The following AUTS2 variants were observed in gnomAD, a reference collection of about 807,000 sequenced individuals.
The protein encoded by AUTS2 is autism susceptibility gene 2 protein.
Under a neutral mutation model 112.4 loss-of-function variants are expected in AUTS2, and 17 were observed. That is an observed-to-expected ratio of 0.15 (90% CI 0.10 to 0.23). The LOEUF is 0.23. AUTS2 is among the 10% of genes least tolerant of loss of function. The pLI, the probability that AUTS2 is intolerant of heterozygous loss-of-function variation, is 1.00. For synonymous variants in AUTS2, 751 were observed against 702.7 expected, an observed-to-expected ratio of 1.07 and a Z score of -1.09; for missense variants, 1,510 against 1,701.6, an observed-to-expected ratio of 0.89 and a Z score of 1.98.
At chr7:70,596,183 G>C (rs576638303) in intron 5 of AUTS2, 182 of 152,986 alleles carry the variant, frequency 1.2e-3, no homozygotes, top group African/African-American at 4.2e-3. Flanking sequence ...GGGCGGGGCT[G>C]GGGCGGGCGG....
intron 4 of AUTS2, among the ~76,000 whole-genome samples, chr7:70,282,461 T>C (rs1027207578): frequency 6.6e-6 from 1 of 152,048 alleles, no homozygotes; most frequent in Non-Finnish European, 1.5e-5. Context: ...TGAGGCCTAG[T>C]TTCTGGTTGT....
chr7:70,142,028 A>G (rs961316664), intron 4 of AUTS2, among the ~76,000 whole-genome samples: 17 of 152,248 alleles, frequency 1.1e-4, no homozygotes, highest in African/African-American at 4.1e-4. Context: ...TGGTGTTTCC[A>G]GTTGCAACCA....
At chr7:69,713,542 T>G (rs557648148) in intron 1 of AUTS2, among the ~76,000 whole-genome samples, 11 of 149,462 alleles carry the variant, frequency 7.4e-5, no homozygotes, top group African/African-American at 2.7e-4. Context: ...TTCACTGAAA[T>G]CTCTGCCTCC....
intron 14 of AUTS2, chr7:70,781,414 C>A: frequency 8.9e-6 from 4 of 450,810 alleles, no homozygotes; most frequent in South Asian, 3.6e-5. Flanking sequence ...TGTCACTAGA[C>A]ATTTCTGGTG....
intron 4 of AUTS2, among the ~76,000 whole-genome samples, chr7:70,168,861 C>T (rs1223818301): frequency 1.3e-5 from 2 of 152,052 alleles, no homozygotes; most frequent in Non-Finnish European, 2.9e-5. Flanking sequence ...GTACCAGTCA[C>T]TTGTGTGGCC....
chr7:70,137,305 T>C (rs919179850), intron 4 of AUTS2, among the ~76,000 whole-genome samples: 3 of 152,132 alleles, frequency 2.0e-5, no homozygotes, highest in Admixed American at 6.6e-5. Context: ...GTGGGTGTTA[T>C]ACACACAGAG....
At chr7:70,061,385 AT>A (rs1240690468) in intron 2 of AUTS2, among the ~76,000 whole-genome samples, 1 of 152,156 alleles carries the variant, frequency 6.6e-6, no homozygotes, top group Non-Finnish European at 1.5e-5. Flanking sequence ...ACAGGTTAGT[AT>A]TTTAATTTTC....
intron 1 of AUTS2, among the ~76,000 whole-genome samples, chr7:69,622,626 A>G (rs536832052): frequency 7.2e-4 from 110 of 152,348 alleles, no homozygotes; most frequent in African/African-American, 2.6e-3. Flanking sequence ...CTGAAGACCC[A>G]GAATCCCATG....
intron 1 of AUTS2, among the ~76,000 whole-genome samples, chr7:69,749,882 C>T (rs1787662414): frequency 6.6e-6 from 1 of 152,100 alleles, no homozygotes; most frequent in Non-Finnish European, 1.5e-5. Context: ...CACCCTGGCA[C>T]AGACAGAAAA....
At chr7:70,655,003 T>C (rs1356331800) in intron 5 of AUTS2, among the ~76,000 whole-genome samples, 1 of 152,252 alleles carries the variant, frequency 6.6e-6, no homozygotes, top group Non-Finnish European at 1.5e-5. Flanking sequence ...GCAAGTTGAC[T>C]TGAAATAATT....
intron 4 of AUTS2, among the ~76,000 whole-genome samples, chr7:70,165,111 G>A (rs1421644761): frequency 2.0e-5 from 3 of 152,092 alleles, no homozygotes; most frequent in South Asian, 2.1e-4. Flanking sequence ...GACTTGATAC[G>A]ATAGAGGAAA....
chr7:69,914,447 A>G (rs1217260777), intron 2 of AUTS2, among the ~76,000 whole-genome samples: 3 of 151,448 alleles, frequency 2.0e-5, no homozygotes, highest in African/African-American at 7.3e-5. Flanking sequence ...CTCTGGGGAT[A>G]TGCAATGTAA....
intron 1 of AUTS2, among the ~76,000 whole-genome samples, chr7:69,729,031 G>T (rs1049607063): frequency 4.6e-5 from 7 of 152,094 alleles, no homozygotes; most frequent in African/African-American, 1.7e-4. Context: ...AATTTTGTGT[G>T]TGTCACATGT....
chr7:69,806,237 G>A (rs929956422), intron 1 of AUTS2, among the ~76,000 whole-genome samples: 4 of 122,280 alleles, frequency 3.3e-5, no homozygotes, highest in Non-Finnish European at 6.4e-5. Context: ...TTAAACCAGC[G>A]TCACAACCAC....
At chr7:70,085,420 C>T (rs1803546760) in intron 2 of AUTS2, among the ~76,000 whole-genome samples, 1 of 150,972 alleles carries the variant, frequency 6.6e-6, no homozygotes, top group South Asian at 2.1e-4. Flanking sequence ...GGCTGGAGTG[C>T]AGTGGCACGA....
chr7:70,022,450 G>A (rs1394184420), intron 2 of AUTS2, among the ~76,000 whole-genome samples: 1 of 151,792 alleles, frequency 6.6e-6, no homozygotes, highest in Non-Finnish European at 1.5e-5. Context: ...CCCCCAAGTA[G>A]CTGGGATTAA....
chr7:69,704,332 C>T (rs1468406836), intron 1 of AUTS2, among the ~76,000 whole-genome samples: 1 of 151,670 alleles, frequency 6.6e-6, no homozygotes, highest in Non-Finnish European at 1.5e-5. Context: ...GGCTGGAGTG[C>T]GGTGGTGCGA....
intron 5 of AUTS2, among the ~76,000 whole-genome samples, chr7:70,479,769 GGGGGTTTGAGTCCCC>G (rs1797718099): frequency 6.6e-6 from 1 of 152,126 alleles, no homozygotes; most frequent in African/African-American, 2.4e-5. Flanking sequence ...AAACAAAGAT[GGGGGTTTGAGTCCCC>G]GGGGTTTCCC....
At chr7:70,195,344 G>A (rs755906805) in intron 4 of AUTS2, among the ~76,000 whole-genome samples, 2 of 152,108 alleles carry the variant, frequency 1.3e-5, no homozygotes, top group Non-Finnish European at 2.9e-5. Context: ...GGAGTGAGCT[G>A]TTAATATGAA....
Sources: allele counts gnomAD v4.1 joint callset (sites outside exome capture counted in the v4.1 genomes callset), GRCh38; gene constraint gnomAD v4.1.1; transcripts MANE v1.5; gene names NCBI Gene and HGNC (gene_info 2026-07-23, HGNC 2026-07-21).